MTMR7: variants seen among roughly 807,000 people sequenced by gnomAD.
MTMR7 encodes the protein myotubularin related protein 7.
In MTMR7, 76 loss-of-function variants were observed where a neutral mutation model predicts 81.2. The observed-to-expected ratio is 0.94, with a 90% confidence interval of 0.78 to 1.13. The LOEUF (loss-of-function observed/expected upper bound fraction) is 1.13. Among genes scored for constraint, MTMR7 ranks in the 50% most tolerant of loss-of-function variants. The pLI is 0.00. For synonymous variants in MTMR7, 372 were observed against 289.8 expected, an observed-to-expected ratio of 1.28 and a Z score of -2.88; for missense variants, 1,044 against 820.0, an observed-to-expected ratio of 1.27 and a Z score of -3.34.
rs529961305 is a variant in MTMR7, at chr8:17,347,069, G to A, written c.597+1884C>T. Among the ~76,000 whole-genome samples, 58 of 151,590 alleles carry A rather than the reference G, an allele frequency of 3.8e-4. 1 individual carries two copies. The highest frequency in any genetic ancestry group is 5.2e-4 in the Non-Finnish European group (35 of 67,898). ...CAATTAGCTGGGCCGGGTGGCACAC[G>A]CGTGGTCCCAGTGACTCGGGAGGCT... On this transcript the variant is annotated intron_variant, in intron 5 of 13. Coordinates refer to ENST00000180173, the MANE Select transcript of MTMR7 (RefSeq NM_004686.5).
At chr8:17,388,166 A>G (rs960720456) in intron 1 of MTMR7, among the ~76,000 whole-genome samples, 3 of 152,208 alleles carry the variant, frequency 2.0e-5, no homozygotes, top group Non-Finnish European at 2.9e-5. Context: ...AAGGGCCCAT[A>G]TAATTTATTT....
intron 7 of MTMR7, among the ~76,000 whole-genome samples, chr8:17,318,915 T>A (rs1053174787): frequency 1.3e-5 from 2 of 152,164 alleles, no homozygotes; most frequent in African/African-American, 4.8e-5. Flanking sequence ...CCCTCACATC[T>A]CCAACGTCTC....
intron 1 of MTMR7, among the ~76,000 whole-genome samples, chr8:17,405,206 G>C (rs1243417916): frequency 6.6e-6 from 1 of 152,178 alleles, no homozygotes; most frequent in African/African-American, 2.4e-5. Flanking sequence ...TCAAATACTA[G>C]GGGATTCACT....
rs1462807982 is a variant in MTMR7 at position 17,297,538 on chromosome 8, C to T, written c.*2324G>A. On this transcript the variant is annotated 3_prime_UTR_variant, in exon 14 of 14. Transcript: ENST00000180173. Reference sequence around the variant, plus strand: ...AAGCTCAGTTACTGATTTGCTGGGTCATGGTCAAAATTCTTACCTATTTAT... The same window carrying T: ...AAGCTCAGTTACTGATTTGCTGGGTTATGGTCAAAATTCTTACCTATTTAT... The T allele has an allele frequency of 1.4e-5, 2 of 139,368 alleles. No homozygotes were observed. Among genetic ancestry groups the T allele is most frequent in the Non-Finnish European group, 3.0e-5 (2 of 65,792 alleles). The allele number at this position is 139,368 out of a possible 1,614,324, so 8.6% of individuals were successfully genotyped here. A position where few individuals can be genotyped will look rare whatever the true frequency, so the allele number is the denominator to read the frequency against.
At chr8:17,402,175 G>C (rs1381827885) in intron 1 of MTMR7, among the ~76,000 whole-genome samples, 6 of 152,222 alleles carry the variant, frequency 3.9e-5, no homozygotes, top group Non-Finnish European at 7.4e-5. Context: ...GGCATGCGTT[G>C]TGTAATAATC....
intron 1 of MTMR7, among the ~76,000 whole-genome samples, chr8:17,390,898 GATTACA>G (rs1821087132): frequency 1.3e-5 from 2 of 152,222 alleles, no homozygotes; most frequent in Non-Finnish European, 2.9e-5. Flanking sequence ...AACACGTGGG[GATTACA>G]ATTCAGATTA....
At chr8:17,311,844 C>G in intron 8 of MTMR7, 1 of 645,018 alleles carries the variant, frequency 1.6e-6, no homozygotes, top group Non-Finnish European at 2.6e-6. Flanking sequence ...CCCATTCTAT[C>G]CAGAAGCCAC....
At chr8:17,341,006 G>C (rs775051492) in intron 6 of MTMR7, among the ~76,000 whole-genome samples, 16 of 152,202 alleles carry the variant, frequency 1.1e-4, no homozygotes, top group Non-Finnish European at 2.2e-4. Flanking sequence ...TGGAGCTCCA[G>C]AGTGAATTTT....
rs3040963 is a variant in MTMR7, at chr8:17,316,464, T to TAAAAAA, written c.866-3069_866-3064dup. ...TTTTCAATATTTACAAACAGTACAG[T>TAAAAAA]AAAAAAAAAAAAAAACCTTTCTACA... On this transcript the variant is annotated intron_variant, in intron 7 of 13. Coordinates refer to ENST00000180173, the MANE Select transcript of MTMR7 (RefSeq NM_004686.5). Among the ~76,000 whole-genome samples, 22 of 143,510 alleles carry TAAAAAA rather than the reference T, an allele frequency of 1.5e-4. No individual in the cohort carries two copies. In the South Asian group the frequency reaches 4.7e-3, roughly 31 times the overall value. 94.1% of individuals were successfully genotyped at this position (143,510 alleles called of 152,430 possible).
chr8:17,411,069 C>A (rs1043043358), intron 1 of MTMR7, among the ~76,000 whole-genome samples: 1 of 152,162 alleles, frequency 6.6e-6, no homozygotes, highest in Non-Finnish European at 1.5e-5. Flanking sequence ...TCTGCAAGCT[C>A]TGTAAGTAAT....
chr8:17,332,571 G>T (rs1819058700), intron 6 of MTMR7, among the ~76,000 whole-genome samples: 1 of 152,188 alleles, frequency 6.6e-6, no homozygotes, highest in South Asian at 2.1e-4. Context: ...AGTTGAAAAT[G>T]CCGTAAGTGA....
chr8:17,336,356 T>A (rs1362307389), intron 6 of MTMR7, among the ~76,000 whole-genome samples: 2 of 152,090 alleles, frequency 1.3e-5, no homozygotes, highest in Non-Finnish European at 2.9e-5. Context: ...TCTCCATCCT[T>A]GCCCTGCCAA....
intron 6 of MTMR7, among the ~76,000 whole-genome samples, chr8:17,336,811 G>C (rs7841971): frequency 2.0e-5 from 3 of 152,178 alleles, no homozygotes; most frequent in African/African-American, 7.2e-5. Context: ...CTCGTCAGGC[G>C]TGTGCTCAGA....
At position 17,413,276 on chromosome 8, in the gene MTMR7, G is replaced by T; in HGVS notation, c.17C>A (p.Thr6Lys). 1.0e-5 allele frequency: 16 copies of T among 1,548,198 alleles called. No individual in the cohort carries two copies. The highest frequency in any genetic ancestry group is 1.4e-5 in the African/African-American group (1 of 72,942). MEHIR[T>K]PKVENVRLVD... is the part of the protein sequence containing the mutation. ...CGCGCTGGTGTCACCAACCTTGGGCGTACGGATGTGCTCCATGGCTGGCCC... is the reference window on the plus strand; with the variant it reads ...CGCGCTGGTGTCACCAACCTTGGGCTTACGGATGTGCTCCATGGCTGGCCC... Residue 6 changes from threonine (T) to lysine (K), a missense_variant, in exon 1 of 14, where the codon ACG becomes AAG. Transcript: ENST00000180173.
At chr8:17,316,847 T>A (rs553832625) in intron 7 of MTMR7, among the ~76,000 whole-genome samples, 1 of 152,086 alleles carries the variant, frequency 6.6e-6, no homozygotes, top group Non-Finnish European at 1.5e-5. Flanking sequence ...GTGTGTGGAT[T>A]TGAGAATCTA....
chr8:17,381,325 G>A (rs1021837223), intron 1 of MTMR7, among the ~76,000 whole-genome samples: 5 of 152,078 alleles, frequency 3.3e-5, no homozygotes, highest in African/African-American at 1.2e-4. Flanking sequence ...CCCAACATAG[G>A]TCCTCCTTGG....
In MTMR7 at chr8:17,348,993, C is replaced by T. The variant is rs1819644992; in HGVS notation, c.557G>A (p.Arg186Gln). The change falls in exon 5 of 14, where the codon CGG (arginine) becomes CAG (glutamine). Residue 186 changes from arginine to glutamine, a missense_variant. Coordinates refer to ENST00000180173, the MANE Select transcript of MTMR7 (RefSeq NM_004686.5). The stretch of plus-strand genomic sequence containing the variant: ...ATAGTAAGAAAGGACAGGAAATCGC[C>T]GTCTACTCCGGAATTTGGAACTCCC... ...IVGSSKFRSRRRFPVLSYYYK... is the reference protein window; with the variant it reads ...IVGSSKFRSRQRFPVLSYYYK... 5 of 1,613,270 alleles carry T rather than the reference C, an allele frequency of 3.1e-6. No individual in the cohort carries two copies. The South Asian group carries it at 3.3e-5, about 11-fold the overall frequency.
chr8:17,306,911 G>T (rs1049870531), intron 10 of MTMR7, among the ~76,000 whole-genome samples: 1 of 121,742 alleles, frequency 8.2e-6, no homozygotes, highest in African/African-American at 3.4e-5. Context: ...AGACTTAAAC[G>T]TTAGACCTAA....
rs183755254 is a variant in MTMR7 at position 17,331,661 on chromosome 8, A to C, written c.733-379T>G. ...GGTAGGTTGGCAGAAGAATATCAGCAGAAACAGCTGTCAAAATAAGGCTCT... is the reference window on the plus strand; with the variant it reads ...GGTAGGTTGGCAGAAGAATATCAGCCGAAACAGCTGTCAAAATAAGGCTCT... On this transcript the variant is annotated intron_variant, in intron 6 of 13. Coordinates refer to ENST00000180173, the MANE Select transcript of MTMR7 (RefSeq NM_004686.5). Among the ~76,000 whole-genome samples the C allele has an allele frequency of 3.4e-3, 520 of 152,358 alleles. 3 individuals carry two copies. Among genetic ancestry groups the C allele is most frequent in the Non-Finnish European group, 5.2e-3 (351 of 68,036 alleles).
Sources: allele counts gnomAD v4.1 joint callset (sites outside exome capture counted in the v4.1 genomes callset), GRCh38; gene constraint gnomAD v4.1.1; transcripts MANE v1.5; gene names NCBI Gene and HGNC (gene_info 2026-07-23, HGNC 2026-07-21).